The following PDE8A variants were observed in gnomAD, a reference collection of about 807,000 sequenced individuals.
PDE8A encodes the protein phosphodiesterase 8A.
In PDE8A, 59 loss-of-function variants were observed where a neutral mutation model predicts 105.0. The ratio of observed to expected loss-of-function variants is 0.56; its 90% CI spans 0.46 to 0.70. The LOEUF (loss-of-function observed/expected upper bound fraction) is 0.70. PDE8A is among the 30% of genes least tolerant of loss of function. The pLI, the probability that PDE8A is intolerant of heterozygous loss-of-function variation, is 0.00. For synonymous variants in PDE8A, 355 were observed against 371.9 expected, an observed-to-expected ratio of 0.95 and a Z score of 0.52; for missense variants, 1,014 against 1,045.9, an observed-to-expected ratio of 0.97 and a Z score of 0.42.
intron 1 of PDE8A, among the ~76,000 whole-genome samples, chr15:85,019,028 T>A (rs144759159): frequency 1.9e-3 from 282 of 152,310 alleles, no homozygotes; most frequent in Non-Finnish European, 3.5e-3. Flanking sequence ...GCAGTATAGT[T>A]ACTTGGGAGG....
At chr15:85,067,404 T>A (rs1036610284) in intron 3 of PDE8A, among the ~76,000 whole-genome samples, 200 bp downstream of exon 3, 1 of 152,186 alleles carries the variant, frequency 6.6e-6, no homozygotes, top group Non-Finnish European at 1.5e-5. Flanking sequence ...CTTGAAACAG[T>A]AAGAAAATGT....
chr15:85,037,282 C>G (rs1047635221), intron 1 of PDE8A, among the ~76,000 whole-genome samples: 1 of 152,158 alleles, frequency 6.6e-6, no homozygotes, highest in African/African-American at 2.4e-5. Flanking sequence ...TCACACTGGT[C>G]TCAAACTCCC....
chr15:85,037,130 A>G (rs546970407), intron 1 of PDE8A, among the ~76,000 whole-genome samples: 11 of 151,724 alleles, frequency 7.3e-5, no homozygotes, highest in Admixed American at 5.2e-4. Flanking sequence ...CAATGGCGCA[A>G]TCTTGGCTCA....
At chr15:84,991,430 A>G (rs1422660157) in intron 1 of PDE8A, among the ~76,000 whole-genome samples, 1 of 152,234 alleles carries the variant, frequency 6.6e-6, no homozygotes, top group Non-Finnish European at 1.5e-5. Flanking sequence ...CAATGAAATA[A>G]CATTTTATAC....
chr15:85,134,226 A>G (rs1329852572), intron 20 of PDE8A, among the ~76,000 whole-genome samples: 1 of 152,238 alleles, frequency 6.6e-6, no homozygotes, highest in Non-Finnish European at 1.5e-5. Flanking sequence ...CCCTGAGAGC[A>G]GAAAGACAGA....
At chr15:85,037,789 C>T (rs2080731561) in intron 1 of PDE8A, among the ~76,000 whole-genome samples, 1 of 152,128 alleles carries the variant, frequency 6.6e-6, no homozygotes, top group South Asian at 2.1e-4. Context: ...GCACTGAATA[C>T]ACTATTCATT....
At chr15:85,113,707 T>C (rs1017387627) in intron 13 of PDE8A, among the ~76,000 whole-genome samples, 166 bp from the exon 14 acceptor site, 7 of 152,178 alleles carry the variant, frequency 4.6e-5, no homozygotes, top group Non-Finnish European at 8.8e-5. Flanking sequence ...TTTAGAGATG[T>C]GCTCTCTCAT....
chr15:85,098,797 C>T (rs182770144), intron 9 of PDE8A, among the ~76,000 whole-genome samples: 44 of 152,072 alleles, frequency 2.9e-4, no homozygotes, highest in African/African-American at 1.0e-3. Flanking sequence ...CCCATCCCTA[C>T]AAAAAATGTA....
At chr15:85,117,051 G>A (rs181125578) in intron 16 of PDE8A, among the ~76,000 whole-genome samples, 3 of 152,304 alleles carry the variant, frequency 2.0e-5, no homozygotes, top group East Asian at 1.9e-4. Flanking sequence ...CCAGATGCTG[G>A]GTCAAGGTGA....
chr15:84,999,339 C>G (rs2142173260), intron 1 of PDE8A, among the ~76,000 whole-genome samples: 1 of 152,122 alleles, frequency 6.6e-6, no homozygotes, highest in East Asian at 1.9e-4. Context: ...CAGGCCTGGT[C>G]TTTGAACTCC....
intron 1 of PDE8A, among the ~76,000 whole-genome samples, chr15:84,996,261 T>C (rs1296836160): frequency 6.6e-6 from 1 of 152,062 alleles, no homozygotes; most frequent in African/African-American, 2.4e-5. Flanking sequence ...CACTGCAGCC[T>C]CAAACTTTTG....
chr15:85,107,718 G>T (rs1199911864), intron 11 of PDE8A, among the ~76,000 whole-genome samples: 5 of 152,198 alleles, frequency 3.3e-5, no homozygotes, highest in African/African-American at 1.2e-4. Flanking sequence ...GAATTCATTT[G>T]CAGTGCCTGA....
intron 20 of PDE8A, 50 bp from the exon 21 acceptor site, chr15:85,136,484 G>A (rs775196448): frequency 3.2e-6 from 5 of 1,581,014 alleles, no homozygotes; most frequent in Admixed American, 1.7e-5. Context: ...GCCCCTAGGT[G>A]GAGTGGAACC....
intron 1 of PDE8A, among the ~76,000 whole-genome samples, chr15:85,015,455 GC>G (rs1238263133): frequency 6.6e-6 from 1 of 152,128 alleles, no homozygotes; most frequent in African/African-American, 2.4e-5. Flanking sequence ...CAACCCACCT[GC>G]CTCAGCCTCC....
At chr15:84,991,422 A>C (rs936910354) in intron 1 of PDE8A, among the ~76,000 whole-genome samples, 8 of 152,238 alleles carry the variant, frequency 5.3e-5, no homozygotes. Flanking sequence ...TAAACCCACA[A>C]TGAAATAACA....
At chr15:85,122,167 C>T (rs757915290) in intron 18 of PDE8A, among the ~76,000 whole-genome samples, 8 of 152,212 alleles carry the variant, frequency 5.3e-5, no homozygotes, top group Non-Finnish European at 8.8e-5. Context: ...CAGATTTCTT[C>T]GTAGCACGTA....
chr15:85,091,264 A>G (rs543486074), intron 8 of PDE8A, 83 bp downstream of exon 8: 3 of 1,203,556 alleles, frequency 2.5e-6, no homozygotes, highest in East Asian at 4.8e-5. Context: ...CTACCAGGTA[A>G]TCTTAATCTT....
At chr15:84,993,279 T>TAA (rs1175269156) in intron 1 of PDE8A, among the ~76,000 whole-genome samples, 1 of 151,366 alleles carries the variant, frequency 6.6e-6, no homozygotes, top group Non-Finnish European at 1.5e-5. Flanking sequence ...CCGTCTCTTC[T>TAA]AAAAATACAA....
rs538121070 is a variant in PDE8A at position 85,036,137 on chromosome 15, C to T, written c.187-28233C>T. On this transcript the variant is annotated intron_variant, in intron 1 of 21. Transcript: ENST00000394553. ...ATAGAAAATGGGAAGACTTAACTGC[C>T]TTCCTCATGGTCCACTCCTCATTAA... Among the ~76,000 whole-genome samples the T allele has an allele frequency of 3.3e-5, 5 of 152,342 alleles. No individual in the cohort carries two copies. The South Asian group carries it at 8.3e-4, about 25-fold the overall frequency.
Sources: allele counts gnomAD v4.1 joint callset (sites outside exome capture counted in the v4.1 genomes callset), GRCh38; gene constraint gnomAD v4.1.1; transcripts MANE v1.5; gene names NCBI Gene and HGNC (gene_info 2026-07-23, HGNC 2026-07-21).